The following NELL1 variants were observed in gnomAD, a reference collection of about 807,000 sequenced individuals.
NELL1 encodes protein kinase C-binding protein NELL1.
In NELL1, 76 loss-of-function variants were observed where a neutral mutation model predicts 107.4. The ratio of observed to expected loss-of-function variants is 0.71; its 90% CI spans 0.59 to 0.86. NELL1 has a LOEUF of 0.86. Ranked by LOEUF, NELL1 falls within the 40% of genes least tolerant of loss-of-function variation. The pLI, the probability that NELL1 is intolerant of heterozygous loss-of-function variation, is 0.00. For synonymous variants in NELL1, 353 were observed against 341.2 expected (o/e 1.03, Z -0.38); for missense variants, 1,024 against 1,005.5 (o/e 1.02, Z -0.25).
At position 20,787,544 on chromosome 11, in the gene NELL1, C is replaced by T. The variant is rs554783922; in HGVS notation, c.335+3714C>T. On this transcript the variant is annotated intron_variant, in intron 3 of 19. Transcript: ENST00000357134. Reference sequence around the variant, plus strand: ...ATATAAGTTGACCAAGGATTTGGGGCTTTTCTTTATTCAATAGCAGAAGAT... The same window carrying T: ...ATATAAGTTGACCAAGGATTTGGGGTTTTTCTTTATTCAATAGCAGAAGAT... Among the ~76,000 whole-genome samples, 5 of 152,154 alleles carry T rather than the reference C, an allele frequency of 3.3e-5. No individual in the cohort carries two copies. The South Asian group carries it at 1.0e-3, about 32-fold the overall frequency.
chr11:21,309,023 T>G (rs1452476615), intron 14 of NELL1, among the ~76,000 whole-genome samples: 1 of 151,782 alleles, frequency 6.6e-6, no homozygotes, highest in East Asian at 1.9e-4. Context: ...GAAACACTTA[T>G]TTGAGCCAGA....
chr11:21,456,354 T>A (rs1853735242), intron 15 of NELL1, among the ~76,000 whole-genome samples: 1 of 152,070 alleles, frequency 6.6e-6, no homozygotes, highest in South Asian at 2.1e-4. Flanking sequence ...CTGCCTAATT[T>A]CCTGCTTGGG....
At chr11:20,714,680 A>G (rs1052811017) in intron 2 of NELL1, among the ~76,000 whole-genome samples, 41 of 151,930 alleles carry the variant, frequency 2.7e-4, no homozygotes, top group African/African-American at 8.7e-4. Context: ...GTGCCACCAC[A>G]CCTGGCTAAT....
intron 15 of NELL1, among the ~76,000 whole-genome samples, chr11:21,392,037 T>C (rs1236938926): frequency 6.6e-6 from 1 of 151,840 alleles, no homozygotes; most frequent in Non-Finnish European, 1.5e-5. Context: ...ATTGCTAGCA[T>C]TCTGAGAGTC....
At chr11:20,718,250 T>C (rs960920796) in intron 2 of NELL1, among the ~76,000 whole-genome samples, 2 of 152,158 alleles carry the variant, frequency 1.3e-5, no homozygotes, top group African/African-American at 4.8e-5. Context: ...CACGTGGCTA[T>C]TGAGTAGTTA....
intron 5 of NELL1, among the ~76,000 whole-genome samples, chr11:20,894,046 A>G (rs1262322944): frequency 6.6e-6 from 1 of 152,158 alleles, no homozygotes; most frequent in African/African-American, 2.4e-5. Flanking sequence ...TGGCCTACTC[A>G]CTACAGTGTG....
intron 4 of NELL1, among the ~76,000 whole-genome samples, chr11:20,859,524 T>C (rs1446588492): frequency 6.6e-6 from 1 of 152,202 alleles, no homozygotes; most frequent in East Asian, 1.9e-4. Context: ...CAGCCATTTC[T>C]TCAAATGTGG....
chr11:20,798,464 T>C lies in NELL1; in HGVS notation c.335+14634T>C, dbSNP rs188878116. On this transcript the variant is annotated intron_variant, in intron 3 of 19. Coordinates refer to ENST00000357134, the MANE Select transcript of NELL1 (RefSeq NM_006157.5). Reference sequence around the variant, plus strand: ...AAATTCACAATTTCATTAATATTTTTGCATAAAATCATTTAAGCTCAATGG... The same window carrying C: ...AAATTCACAATTTCATTAATATTTTCGCATAAAATCATTTAAGCTCAATGG... 1.6e-3 allele frequency among the ~76,000 whole-genome samples: 246 copies of C among 152,212 alleles called. 1 individual carries two copies. The highest frequency in any genetic ancestry group is 2.5e-3 in the Non-Finnish European group (170 of 68,014).
intron 14 of NELL1, among the ~76,000 whole-genome samples, chr11:21,300,265 A>T (rs1590816922): frequency 6.6e-6 from 1 of 152,096 alleles, no homozygotes; most frequent in Admixed American, 6.6e-5. Flanking sequence ...GCTGTGAGTC[A>T]GGGATGAGCT....
At chr11:21,046,727 G>T (rs1853364620) in intron 12 of NELL1, among the ~76,000 whole-genome samples, 1 of 146,132 alleles carries the variant, frequency 6.8e-6, no homozygotes, top group Non-Finnish European at 1.5e-5. Flanking sequence ...TATTGAGGCA[G>T]GGTCTCACTC....
chr11:20,965,388 T>A (rs1366096978), intron 12 of NELL1, among the ~76,000 whole-genome samples: 4 of 152,188 alleles, frequency 2.6e-5, no homozygotes, highest in Non-Finnish European at 4.4e-5. Context: ...TTTATGAGGA[T>A]CTTTCTTGGA....
At chr11:20,751,097 C>A (rs1037831598) in intron 2 of NELL1, among the ~76,000 whole-genome samples, 2 of 151,710 alleles carry the variant, frequency 1.3e-5, no homozygotes, top group Non-Finnish European at 2.9e-5. Context: ...TATAGCTTAT[C>A]CTTATGCTAA....
intron 15 of NELL1, among the ~76,000 whole-genome samples, chr11:21,490,850 T>TA (rs370181599): frequency 1.6e-4 from 24 of 151,940 alleles, no homozygotes; most frequent in African/African-American, 5.1e-4. Flanking sequence ...AAAACTGCTA[T>TA]AAAAAACATA....
At chr11:21,463,215 T>G (rs1263875978) in intron 15 of NELL1, among the ~76,000 whole-genome samples, 3 of 152,166 alleles carry the variant, frequency 2.0e-5, no homozygotes, top group Admixed American at 2.0e-4. Context: ...GATTGTTGGC[T>G]CCCACCTCCA....
intron 15 of NELL1, among the ~76,000 whole-genome samples, chr11:21,421,849 AT>A (rs1314155117): frequency 3.3e-5 from 5 of 152,198 alleles, no homozygotes; most frequent in Non-Finnish European, 5.9e-5. Context: ...ATACATTATA[AT>A]CAAACCGTCA....
chr11:21,492,121 G>T (rs544389215), intron 15 of NELL1, among the ~76,000 whole-genome samples: 1 of 152,256 alleles, frequency 6.6e-6, no homozygotes, highest in Admixed American at 6.5e-5. Context: ...AGACATTTAT[G>T]CAACCAAAAA....
intron 14 of NELL1, among the ~76,000 whole-genome samples, chr11:21,237,343 A>G (rs887546054): frequency 2.6e-5 from 4 of 152,126 alleles, no homozygotes; most frequent in African/African-American, 9.7e-5. Flanking sequence ...TCTCTTTGGG[A>G]TGATCAACAT....
chr11:21,208,019 CT>C (rs550941434), intron 13 of NELL1, among the ~76,000 whole-genome samples: 5 of 151,888 alleles, frequency 3.3e-5, no homozygotes, highest in African/African-American at 4.8e-5. Context: ...CTTACCCATT[CT>C]TTTTTTTGTT....
intron 12 of NELL1, among the ~76,000 whole-genome samples, chr11:21,078,597 T>C (rs578116992): frequency 1.2e-4 from 19 of 152,280 alleles, no homozygotes; most frequent in Admixed American, 3.9e-4. Flanking sequence ...AAGTGATATA[T>C]TGCTCTACAA....
Sources: gnomAD v4.1 joint callset for allele counts (sites outside exome capture counted in the v4.1 genomes callset) on GRCh38, gnomAD v4.1.1 for gene constraint, MANE v1.5 for transcripts, NCBI Gene and HGNC (gene_info 2026-07-23, HGNC 2026-07-21) for gene names.